The following XRCC4 variants were observed in gnomAD, a reference collection of about 807,000 sequenced individuals.
XRCC4 encodes X-ray repair cross complementing 4.
Under a neutral mutation model 39.1 loss-of-function variants are expected in XRCC4, and 28 were observed. The observed-to-expected ratio is 0.72, with a 90% confidence interval of 0.53 to 0.98. The LOEUF (loss-of-function observed/expected upper bound fraction) is 0.98. Among genes scored for constraint, XRCC4 ranks in the 50% least tolerant of loss-of-function variants. XRCC4 has a pLI of 0.00. For missense variants in XRCC4, 350 were observed against 376.4 expected (o/e 0.93, Z 0.58); for synonymous variants, 123 against 126.4 (o/e 0.97, Z 0.18).
At chr5:83,224,483 AG>A (rs1264799456) in intron 6 of XRCC4, among the ~76,000 whole-genome samples, 1 of 152,042 alleles carries the variant, frequency 6.6e-6, no homozygotes, top group African/African-American at 2.4e-5. Context: ...AAATCATTGT[AG>A]TTTTAGTTGT....
chr5:83,250,739 T>C (rs975248261), intron 6 of XRCC4, among the ~76,000 whole-genome samples: 3 of 152,218 alleles, frequency 2.0e-5, no homozygotes, highest in Non-Finnish European at 4.4e-5. Flanking sequence ...CCTTTAATTT[T>C]CTCTTTTGGA....
intron 7 of XRCC4, among the ~76,000 whole-genome samples, chr5:83,265,457 C>A (rs1753921850): frequency 6.6e-6 from 1 of 152,164 alleles, no homozygotes; most frequent in Non-Finnish European, 1.5e-5. Context: ...CTGCGGCTCT[C>A]ACTTTGCTTG....
intron 3 of XRCC4, among the ~76,000 whole-genome samples, chr5:83,129,974 A>G (rs182677736): frequency 1.3e-5 from 2 of 152,110 alleles, no homozygotes; most frequent in East Asian, 1.9e-4. Flanking sequence ...TCTCCTGCCT[A>G]ATTGCCCTGG....
At chr5:83,208,772 T>G (rs1055187914) in intron 6 of XRCC4, among the ~76,000 whole-genome samples, 13 of 152,092 alleles carry the variant, frequency 8.5e-5, no homozygotes, top group African/African-American at 2.7e-4. Flanking sequence ...CATACTACAT[T>G]TTATATTTTT....
chr5:83,237,109 T>A (rs1752720125), intron 6 of XRCC4, among the ~76,000 whole-genome samples: 2 of 151,930 alleles, frequency 1.3e-5, no homozygotes, highest in Middle Eastern at 3.4e-3. Flanking sequence ...GTAATCTTGG[T>A]GGGAATGTAA....
At chr5:83,081,639 A>G (rs908684547) in intron 1 of XRCC4, among the ~76,000 whole-genome samples, 1 of 152,214 alleles carries the variant, frequency 6.6e-6, no homozygotes, top group African/African-American at 2.4e-5. Context: ...GTAAACCTCA[A>G]ATATACACAT....
At chr5:83,298,369 T>C (rs1246937455) in intron 7 of XRCC4, among the ~76,000 whole-genome samples, 1 of 151,990 alleles carries the variant, frequency 6.6e-6, no homozygotes, top group Non-Finnish European at 1.5e-5. Context: ...AAAAGAAATT[T>C]GGTAAAATCA....
At chr5:83,144,227 G>C (rs1276372856) in intron 3 of XRCC4, among the ~76,000 whole-genome samples, 2 of 150,760 alleles carry the variant, frequency 1.3e-5, no homozygotes, top group Non-Finnish European at 3.0e-5. Context: ...TCCTGCAAAA[G>C]ACATCATTTC....
At chr5:83,288,772 G>A (rs1176006688) in intron 7 of XRCC4, among the ~76,000 whole-genome samples, 1 of 151,786 alleles carries the variant, frequency 6.6e-6, no homozygotes, top group Non-Finnish European at 1.5e-5. Context: ...TGTTGGTTGA[G>A]TTTCCGCTAT....
intron 1 of XRCC4, among the ~76,000 whole-genome samples, chr5:83,091,076 C>A (rs983875252): frequency 6.6e-6 from 1 of 152,058 alleles, no homozygotes; most frequent in Non-Finnish European, 1.5e-5. Flanking sequence ...GCATGCTGTA[C>A]AATTGATCTA....
intron 3 of XRCC4, among the ~76,000 whole-genome samples, chr5:83,115,552 T>C (rs1343101875): frequency 2.0e-5 from 3 of 152,230 alleles, no homozygotes; most frequent in Admixed American, 1.3e-4. Flanking sequence ...ACCCTTTCTA[T>C]GAAGAAAGAG....
intron 1 of XRCC4, among the ~76,000 whole-genome samples, chr5:83,101,977 T>C (rs1349481355): frequency 9.3e-5 from 4 of 42,926 alleles, no homozygotes; most frequent in African/African-American, 3.1e-4. Context: ...GTTTAGTTGA[T>C]ATTAAACTCA....
intron 7 of XRCC4, among the ~76,000 whole-genome samples, chr5:83,285,966 A>G: frequency 6.6e-6 from 1 of 152,110 alleles, no homozygotes; most frequent in East Asian, 1.9e-4. Flanking sequence ...TATTTGAATC[A>G]GAGTGGGATT....
At chr5:83,159,700 C>T (rs1561370901) in intron 3 of XRCC4, among the ~76,000 whole-genome samples, 1 of 152,046 alleles carries the variant, frequency 6.6e-6, no homozygotes, top group Non-Finnish European at 1.5e-5. Flanking sequence ...CATAAATAAT[C>T]AGAACTAAAA....
intron 1 of XRCC4, among the ~76,000 whole-genome samples, chr5:83,089,126 C>G (rs1423630380): frequency 6.6e-6 from 1 of 152,176 alleles, no homozygotes; most frequent in Non-Finnish European, 1.5e-5. Context: ...AGAAGCACAG[C>G]CTCCTAAATT....
At chr5:83,275,688 A>G (rs1248686234) in intron 7 of XRCC4, among the ~76,000 whole-genome samples, 2 of 152,214 alleles carry the variant, frequency 1.3e-5, no homozygotes, top group Non-Finnish European at 2.9e-5. Context: ...GTATGGAGAT[A>G]AAGATTGGAG....
At chr5:83,220,064 G>T (rs1258172033) in intron 6 of XRCC4, among the ~76,000 whole-genome samples, 2 of 151,996 alleles carry the variant, frequency 1.3e-5, no homozygotes, top group East Asian at 3.9e-4. Flanking sequence ...GAGATCTAAC[G>T]ACCCATGTAT....
At chr5:83,149,194 T>C (rs949492603) in intron 3 of XRCC4, among the ~76,000 whole-genome samples, 13 of 152,182 alleles carry the variant, frequency 8.5e-5, no homozygotes, top group Non-Finnish European at 1.9e-4. Context: ...ATGATTCTTT[T>C]TGTTGGATCT....
intron 3 of XRCC4, among the ~76,000 whole-genome samples, chr5:83,165,187 C>A (rs1040038304): frequency 2.0e-5 from 3 of 151,418 alleles, no homozygotes; most frequent in African/African-American, 7.3e-5. Context: ...AATAATTCCC[C>A]CTTTAAAAAA....
Sources: allele counts gnomAD v4.1 joint callset (sites outside exome capture counted in the v4.1 genomes callset), GRCh38; gene constraint gnomAD v4.1.1; transcripts MANE v1.5; gene names NCBI Gene and HGNC (gene_info 2026-07-23, HGNC 2026-07-21).